ATF6: variants seen among roughly 807,000 people sequenced by gnomAD.
ATF6 encodes the protein activating transcription factor 6.
ATF6 carries 53 observed loss-of-function variants against 83.6 expected under a neutral mutation model. The observed-to-expected ratio is 0.63, with a 90% CI of 0.51 to 0.80. The LOEUF is 0.80. Ranked by LOEUF, ATF6 falls within the 30% of genes least tolerant of loss-of-function variation. ATF6 has a pLI of 0.00. For synonymous variants in ATF6, 288 were observed against 285.8 expected (o/e 1.01, Z -0.08); for missense variants, 744 against 797.9 (o/e 0.93, Z 0.81).
intron 14 of ATF6, among the ~76,000 whole-genome samples, chr1:161,889,145 A>G (rs1571216168): frequency 6.6e-6 from 1 of 152,348 alleles, no homozygotes; most frequent in East Asian, 1.9e-4. Flanking sequence ...CTGCCTTGTT[A>G]GTATAGGTAT....
At chr1:161,945,091 C>T (rs781539096) in intron 15 of ATF6, among the ~76,000 whole-genome samples, 89 of 152,182 alleles carry the variant, frequency 5.8e-4, no homozygotes, top group Admixed American at 2.4e-3. Flanking sequence ...TTTACACATA[C>T]CAGCTCTTAA....
chr1:161,939,944 G>A (rs1688612159), intron 15 of ATF6, among the ~76,000 whole-genome samples: 1 of 152,216 alleles, frequency 6.6e-6, no homozygotes, highest in Non-Finnish European at 1.5e-5. Context: ...AGCAGTTTCT[G>A]CTGCACATGG....
At chr1:161,770,535 G>T (rs1218541289) in intron 1 of ATF6, among the ~76,000 whole-genome samples, 4 of 152,166 alleles carry the variant, frequency 2.6e-5, no homozygotes, top group Admixed American at 2.0e-4. Flanking sequence ...CTGAGAGAGA[G>T]AATCTTCTTC....
In ATF6 at chr1:161,787,314, C is replaced by T. The variant is rs561587874; in HGVS notation, c.354+3218C>T. 2.0e-5 allele frequency among the ~76,000 whole-genome samples: 3 copies of T among 152,232 alleles called. No homozygotes were observed. In the South Asian group the frequency reaches 6.2e-4, roughly 32 times the overall value. ...TTTGTTAATATCTGTATGGATTCAT[C>T]GTTTCTTATTTTATTCAACAGATTA... On this transcript the variant is annotated intron_variant, in intron 4 of 15. Coordinates refer to ENST00000367942, the MANE Select transcript of ATF6 (RefSeq NM_007348.4).
chr1:161,925,762 A>G (rs1452231626), intron 15 of ATF6, among the ~76,000 whole-genome samples: 1 of 152,218 alleles, frequency 6.6e-6, no homozygotes, highest in Admixed American at 6.5e-5. Context: ...TATCTATATA[A>G]GCCAGGCACT....
chr1:161,943,145 C>T (rs1011186455), intron 15 of ATF6, among the ~76,000 whole-genome samples: 14 of 152,214 alleles, frequency 9.2e-5, no homozygotes, highest in African/African-American at 3.1e-4. Flanking sequence ...TGAGCTACCA[C>T]ACCCAGCCCC....
Position 161,958,739 on chromosome 1 carries a change from TGG to T in ATF6, c.*86_*87del. ...AGCAAAATGCTGCTTTCTGCCTTGG[TGG>T]CAGGCAGAGAACTGTCTCGTACTAG... is the stretch of plus-strand genomic sequence containing the variant. On this transcript the variant is annotated 3_prime_UTR_variant, in exon 16 of 16. Coordinates refer to ENST00000367942, the MANE Select transcript of ATF6 (RefSeq NM_007348.4). 1 of 1,170,996 alleles carries T rather than the reference TGG, an allele frequency of 8.5e-7. No individual in the cohort carries two copies. The highest frequency in any genetic ancestry group is 1.2e-6 in the Non-Finnish European group (1 of 838,784). 72.5% of individuals were successfully genotyped at this position (1,170,996 alleles called of 1,614,324 possible). A position where few individuals can be genotyped will look rare whatever the true frequency, so the allele number is the denominator to read the frequency against.
chr1:161,957,270 C>A (rs1688987094), intron 15 of ATF6, among the ~76,000 whole-genome samples: 1 of 152,088 alleles, frequency 6.6e-6, no homozygotes, highest in Non-Finnish European at 1.5e-5. Context: ...CACTGGTTGG[C>A]TCTGTGTCAT....
Position 161,958,566 on chromosome 1 carries a change from G to C in ATF6, c.1925G>C (p.Arg642Thr), listed in dbSNP as rs1571264378. ...CCTCCTTACCTCCGAGATCAGCAGA[G>C]GAATCAAACCAACACCTTCTTTGGC... Reference protein sequence around the residue: ...SVPPYLRDQQRNQTNTFFGSP... With the variant: ...SVPPYLRDQQTNQTNTFFGSP... Residue 642 changes from arginine (R) to threonine (T), a missense_variant, in exon 16 of 16, where the codon AGG becomes ACG. Arg to Thr is a moderately conservative substitution (Grantham distance 71). Transcript: ENST00000367942. The C allele has an allele frequency of 1.2e-6, 2 of 1,614,026 alleles. No individual in the cohort carries two copies. Among genetic ancestry groups the C allele is most frequent in the East Asian group, 4.5e-5 (2 of 44,886 alleles).
At position 161,812,366 on chromosome 1, in the gene ATF6, ATTTTCTTTTTT is replaced by A. The variant is rs1557973531; in HGVS notation, c.910-7262_910-7252del. ...AATGGGAGCTGGAATGGGAGCAGGT[ATTTTCTTTTTT>A]TTTTTTTTTTTTTTTTTTTTTTTTT... On this transcript the variant is annotated intron_variant, in intron 7 of 15. Coordinates refer to ENST00000367942, the MANE Select transcript of ATF6 (RefSeq NM_007348.4). Among the ~76,000 whole-genome samples, 33 of 37,572 alleles carry A rather than the reference ATTTTCTTTTTT, an allele frequency of 8.8e-4. 1 individual carries two copies. The highest frequency in any genetic ancestry group is 2.5e-3 in the African/African-American group (29 of 11,606). The allele number at this position is 37,572 out of a possible 152,430, so 24.6% of individuals were successfully genotyped here.
intron 9 of ATF6, among the ~76,000 whole-genome samples, chr1:161,824,195 G>C (rs994628206): frequency 6.6e-6 from 1 of 151,984 alleles, no homozygotes; most frequent in Non-Finnish European, 1.5e-5. Flanking sequence ...ACATTGGCCT[G>C]TGTGCTCTTC....
intron 7 of ATF6, among the ~76,000 whole-genome samples, chr1:161,805,513 T>C (rs1393816161): frequency 2.6e-5 from 4 of 152,106 alleles, no homozygotes; most frequent in Non-Finnish European, 5.9e-5. Flanking sequence ...TTTGACTGAA[T>C]GTTTATTTCA....
chr1:161,812,681 C>A (rs1017277585), intron 7 of ATF6, among the ~76,000 whole-genome samples: 11 of 151,810 alleles, frequency 7.2e-5, no homozygotes, highest in Non-Finnish European at 1.5e-4. Flanking sequence ...CGTGAGCCAC[C>A]GCGCCCGGCC....
chr1:161,925,027 T>C (rs1350556109), intron 15 of ATF6, among the ~76,000 whole-genome samples: 1 of 152,240 alleles, frequency 6.6e-6, no homozygotes, highest in Admixed American at 6.5e-5. Flanking sequence ...TTTCTGTCTC[T>C]TAAATCCACA....
chr1:161,813,583 G>A (rs1685527826), intron 7 of ATF6, among the ~76,000 whole-genome samples: 1 of 151,894 alleles, frequency 6.6e-6, no homozygotes, highest in African/African-American at 2.4e-5. Flanking sequence ...CTTTTATTCT[G>A]TCCTGTGCTT....
chr1:161,827,222 C>T (rs955483593), intron 9 of ATF6, among the ~76,000 whole-genome samples: 3 of 152,210 alleles, frequency 2.0e-5, no homozygotes, highest in Admixed American at 2.0e-4. Flanking sequence ...TGAGCCACTG[C>T]GCCTGGCCTG....
intron 14 of ATF6, among the ~76,000 whole-genome samples, chr1:161,863,911 A>G (rs1314718657): frequency 2.6e-5 from 4 of 152,254 alleles, no homozygotes; most frequent in Non-Finnish European, 4.4e-5. Flanking sequence ...GAAAAAATGC[A>G]TAGCTGTTTA....
intron 8 of ATF6, among the ~76,000 whole-genome samples, chr1:161,820,289 G>A (rs111784472): frequency 2.5e-3 from 377 of 152,238 alleles, no homozygotes; most frequent in Non-Finnish European, 4.2e-3. Context: ...TCACTGCAGT[G>A]CTGAACCATA....
chr1:161,849,070 GTGTT>G (rs1039056776), intron 10 of ATF6, among the ~76,000 whole-genome samples: 14 of 152,000 alleles, frequency 9.2e-5, no homozygotes, highest in African/African-American at 3.4e-4. Flanking sequence ...ATGGACTACA[GTGTT>G]TGTATTTTTC....
Sources: gnomAD v4.1 joint callset for allele counts (sites outside exome capture counted in the v4.1 genomes callset) on GRCh38, gnomAD v4.1.1 for gene constraint, MANE v1.5 for transcripts, NCBI Gene and HGNC (gene_info 2026-07-23, HGNC 2026-07-21) for gene names.